SENP2: variants seen among roughly 807,000 people sequenced by gnomAD.
The protein encoded by SENP2 is SUMO specific peptidase 2.
A neutral mutation model predicts 86.3 loss-of-function variants in SENP2; 16 were observed. That is an observed-to-expected ratio of 0.19 (90% confidence interval 0.13 to 0.28). The LOEUF (loss-of-function observed/expected upper bound fraction) is 0.28. Among genes scored for constraint, SENP2 ranks in the 10% least tolerant of loss-of-function variants. SENP2 has a pLI of 1.00. For missense variants in SENP2, 552 were observed against 703.0 expected (o/e 0.79, Z 2.43); for synonymous variants, 222 against 238.7 (o/e 0.93, Z 0.64).
Position 185,631,017 on chromosome 3 carries a change from G to A in SENP2, c.*1173G>A, listed in dbSNP as rs1180317068. ...TGGTTATAACTTCAGACAGTTTAGA[G>A]TTGGTCAGAACATATTTTGCAAGAT... On this transcript the variant is annotated 3_prime_UTR_variant, in exon 17 of 17. Transcript: ENST00000296257. 1 of 152,130 alleles carries A rather than the reference G, an allele frequency of 6.6e-6. No individual in the cohort carries two copies. The allele number at this position is 152,130 out of a possible 1,614,324, so 9.4% of individuals were successfully genotyped here. A position where few individuals can be genotyped will look rare whatever the true frequency, so the allele number is the denominator to read the frequency against.
intron 2 of SENP2, among the ~76,000 whole-genome samples, chr3:185,593,729 T>C (rs1362724643): frequency 1.9e-5 from 1 of 53,206 alleles, no homozygotes; most frequent in Non-Finnish European, 3.6e-5. Flanking sequence ...TTTTCATTTC[T>C]TTTTTTTTTT....
chr3:185,596,527 A>G (rs530446989), intron 2 of SENP2, among the ~76,000 whole-genome samples: 1 of 151,668 alleles, frequency 6.6e-6, no homozygotes, highest in African/African-American at 2.4e-5. Context: ...AGACTGAGGT[A>G]GGAGGATCAC....
At chr3:185,604,825 G>A (rs916776883) in intron 5 of SENP2, among the ~76,000 whole-genome samples, 2 of 150,472 alleles carry the variant, frequency 1.3e-5, no homozygotes, top group Admixed American at 6.6e-5. Context: ...CCGCAATCTC[G>A]GCTCCCTGCA....
chr3:185,598,979 T>C lies in SENP2; in HGVS notation c.313T>C (p.Cys105Arg), dbSNP rs1247823620. Residue 105 changes from cysteine (C) to arginine (R), a missense_variant, in exon 4 of 17, where the codon TGT (cysteine) becomes CGT (arginine). By Grantham distance (180) the Cys-to-Arg change is radical. This residue lies in a region of SENP2 where 383 missense variants were observed against 427.3 expected (regional missense o/e 0.90). Transcript: ENST00000296257. The stretch of plus-strand genomic sequence containing the variant: ...TAAGGTATTTTCGAACTCTTCATCT[T>C]GTGAACTGACAGGTTCTGGATCCTG... ...SGEVFSNSSS[C>R]ELTGSGSWNN... is the part of the protein sequence containing the mutation. 1 of 1,613,264 alleles carries C rather than the reference T, an allele frequency of 6.2e-7. No individual in the cohort carries two copies. The highest frequency in any genetic ancestry group is 8.5e-7 in the Non-Finnish European group (1 of 1,179,748).
At chr3:185,625,785 AT>A in intron 15 of SENP2, among the ~76,000 whole-genome samples, 1 of 152,296 alleles carries the variant, frequency 6.6e-6, no homozygotes, top group South Asian at 2.1e-4. Flanking sequence ...TACATTTCCG[AT>A]TGACCACACT....
At chr3:185,617,379 G>T in intron 11 of SENP2, 101 bp from the exon 12 acceptor site, 1 of 825,734 alleles carries the variant, frequency 1.2e-6, no homozygotes, top group Non-Finnish European at 1.9e-6. Flanking sequence ...CAAGAGTCAG[G>T]TGTTGCCGAG....
At chr3:185,623,903 G>T in intron 14 of SENP2, 95 bp from the exon 15 acceptor site, 2 of 545,294 alleles carry the variant, frequency 3.7e-6, no homozygotes, top group South Asian at 3.7e-5. Context: ...TTTGAGAATG[G>T]CATATCTGTT....
chr3:185,607,880 A>G (rs890575847), intron 6 of SENP2, among the ~76,000 whole-genome samples: 2 of 152,212 alleles, frequency 1.3e-5, no homozygotes, highest in African/African-American at 4.8e-5. Flanking sequence ...AGGGAAGTAA[A>G]TGGTGTGCAT....
chr3:185,613,777 G>A, intron 10 of SENP2: 1 of 159,236 alleles, frequency 6.3e-6, no homozygotes, highest in African/African-American at 2.5e-5. Flanking sequence ...GCAGTGAGCT[G>A]TGATCACACC....
rs749295911 is a variant in SENP2, at chr3:185,613,404, A to G, written c.929A>G (p.Glu310Gly). 1 of 1,585,226 alleles carries G rather than the reference A, an allele frequency of 6.3e-7. No individual in the cohort carries two copies. The change falls in exon 10 of 17, where the codon GAA becomes GGA. Residue 310 changes from glutamate to glycine, a missense_variant. By Grantham distance (98) the Glu-to-Gly change is moderately conservative (BLOSUM62 -2). Around this residue, in one of 2 missense-constraint regions of SENP2, gnomAD observed 383 missense variants for 427.3 expected, o/e 0.90. Coordinates refer to ENST00000296257, the MANE Select transcript of SENP2 (RefSeq NM_021627.3). ...ATGGTCGGAATCAGATTTGAAAATG[A>G]AAGTGTAAGTAAAAATCCTAGTTAC... ...ETMVGIRFENESRRGYQLEPD... is the reference protein window; with the variant it reads ...ETMVGIRFENGSRRGYQLEPD...
intron 5 of SENP2, among the ~76,000 whole-genome samples, chr3:185,605,561 C>T (rs183924280): frequency 6.6e-6 from 1 of 152,016 alleles, no homozygotes; most frequent in African/African-American, 2.4e-5. Context: ...TCTCTTTGAT[C>T]TACTTTATTC....
Position 185,586,484 on chromosome 3 carries a change from G to A in SENP2, c.71G>A (p.Arg24Gln). Residue 24 changes from arginine to glutamine, a missense_variant, in exon 1 of 17, where the codon CGG becomes CAG. Coordinates refer to ENST00000296257, the MANE Select transcript of SENP2 (RefSeq NM_021627.3). The surrounding 1 kb of genome is among the most constrained non-coding windows in gnomAD (Gnocchi z 4.3). ...TGCGACCGGTCGGTGCCCCCTGCCCGGGCCCTCCTGAAGAGGCGGCGCTCA... is the reference window on the plus strand; with the variant it reads ...TGCGACCGGTCGGTGCCCCCTGCCCAGGCCCTCCTGAAGAGGCGGCGCTCA... ...RFCDRSVPPA[R>Q]ALLKRRRSDS... The A allele has an allele frequency of 2.5e-6, 4 of 1,613,712 alleles. No homozygotes were observed. The highest frequency in any genetic ancestry group is 2.7e-5 in the African/African-American group (2 of 75,050).
At chr3:185,612,357 A>T (rs1206630991) in intron 8 of SENP2, 1 of 380,164 alleles carries the variant, frequency 2.6e-6, no homozygotes, top group Non-Finnish European at 4.8e-6. Flanking sequence ...CTTACTGTCC[A>T]CTAAATGACA....
chr3:185,598,828 G>A (rs4624587), intron 3 of SENP2, 130 bp from the exon 4 acceptor site: 475,133 of 716,440 alleles, frequency 0.66, 160,600 homozygotes, highest in African/African-American at 0.91. Flanking sequence ...GTCTTGACAA[G>A]TTAAACCTTA....
At position 185,609,236 on chromosome 3, in the gene SENP2, C is replaced by T. The variant is rs1469437816; in HGVS notation, c.619-11C>T. On this transcript the variant is annotated splice_polypyrimidine_tract_variant and intron_variant, in intron 6 of 16. Coordinates refer to ENST00000296257, the MANE Select transcript of SENP2 (RefSeq NM_021627.3). ...TGCTGGTACTTATCTAACATGCTTT[C>T]TTTTATTTAGGGTGTTCAAAAAGAG... The T allele has an allele frequency of 3.1e-5, 49 of 1,592,862 alleles. No individual in the cohort carries two copies. The highest frequency in any genetic ancestry group is 4.1e-5 in the Non-Finnish European group (48 of 1,162,334).
chr3:185,621,230 C>CA (rs535814173), intron 13 of SENP2, among the ~76,000 whole-genome samples: 24,298 of 66,914 alleles, frequency 0.36, 3,619 homozygotes, highest in African/African-American at 0.44. Flanking sequence ...ATAAAGAAAG[C>CA]AAAAAAAAAA....
chr3:185,591,983 C>G (rs1722013550), intron 2 of SENP2, among the ~76,000 whole-genome samples: 1 of 121,596 alleles, frequency 8.2e-6, no homozygotes, highest in Non-Finnish European at 1.7e-5. Flanking sequence ...TGAAAGAATA[C>G]TCCTGTCTTT....
At chr3:185,593,454 G>C (rs189783486) in intron 2 of SENP2, among the ~76,000 whole-genome samples, 134 of 152,216 alleles carry the variant, frequency 8.8e-4, no homozygotes, top group Middle Eastern at 3.4e-3. Flanking sequence ...AAATTCATTA[G>C]AACAGTATTT....
intron 7 of SENP2, among the ~76,000 whole-genome samples, chr3:185,611,255 C>T (rs1018726280): frequency 6.6e-6 from 1 of 152,180 alleles, no homozygotes; most frequent in Non-Finnish European, 1.5e-5. Flanking sequence ...CCAGCCTGGG[C>T]GACAGTGCGA....
Sources: allele counts gnomAD v4.1 joint callset (sites outside exome capture counted in the v4.1 genomes callset), GRCh38; gene constraint gnomAD v4.1.1; regional missense constraint gnomAD v4.1.1; non-coding constraint Gnocchi (gnomAD v3.1); transcripts MANE v1.5; gene names NCBI Gene and HGNC (gene_info 2026-07-23, HGNC 2026-07-21).